The following ATXN1 variants were observed in gnomAD, a reference collection of about 807,000 sequenced individuals.
The protein encoded by ATXN1 is ataxin 1, also known as ataxin-1.
In ATXN1, 8 loss-of-function variants were observed where a neutral mutation model predicts 56.4. That is an observed-to-expected ratio of 0.14 (90% CI 0.08 to 0.26). The LOEUF (loss-of-function observed/expected upper bound fraction) is 0.26. ATXN1 is among the 10% of genes least tolerant of loss of function. ATXN1 has a pLI of 1.00. For synonymous variants in ATXN1, 514 were observed against 494.6 expected, an observed-to-expected ratio of 1.04 and a Z score of -0.52; for missense variants, 987 against 1,106.5, an observed-to-expected ratio of 0.89 and a Z score of 1.53.
intron 2 of ATXN1, among the ~76,000 whole-genome samples, chr6:16,730,662 G>A (rs911336957): frequency 1.3e-5 from 2 of 152,144 alleles, no homozygotes; most frequent in East Asian, 3.9e-4. Flanking sequence ...CACCCTGCCT[G>A]AAGATTGTAT....
chr6:16,372,137 C>G (rs1427319102), intron 6 of ATXN1, among the ~76,000 whole-genome samples: 3 of 152,110 alleles, frequency 2.0e-5, no homozygotes, highest in Admixed American at 1.3e-4. Flanking sequence ...TTTTATAAAA[C>G]AGGAAGGAAT....
At chr6:16,361,121 C>A (rs1335082834) in intron 6 of ATXN1, among the ~76,000 whole-genome samples, 1 of 152,142 alleles carries the variant, frequency 6.6e-6, no homozygotes, top group African/African-American at 2.4e-5. Flanking sequence ...ATAAGTAGTG[C>A]AATACCCAAA....
At chr6:16,504,441 G>A (rs1039045094) in intron 5 of ATXN1, among the ~76,000 whole-genome samples, 7 of 152,104 alleles carry the variant, frequency 4.6e-5, no homozygotes, top group African/African-American at 1.4e-4. Flanking sequence ...GTACATAAAA[G>A]AGTGGTAGCA....
intron 2 of ATXN1, among the ~76,000 whole-genome samples, chr6:16,718,398 C>T (rs183670253): frequency 3.3e-5 from 5 of 152,356 alleles, no homozygotes; most frequent in East Asian, 3.9e-4. Context: ...CTAACTGCAA[C>T]GGAGCAAGAA....
At chr6:16,528,429 C>A (rs913378990) in intron 4 of ATXN1, among the ~76,000 whole-genome samples, 1 of 152,118 alleles carries the variant, frequency 6.6e-6, no homozygotes, top group Non-Finnish European at 1.5e-5. Flanking sequence ...TAAAACCATG[C>A]GGTTTAGATT....
chr6:16,744,034 T>G (rs639621), intron 2 of ATXN1, among the ~76,000 whole-genome samples: 84,225 of 151,918 alleles, frequency 0.55, 23,560 homozygotes, highest in African/African-American at 0.61. Flanking sequence ...TTTCAAATAC[T>G]AACAAATGTT....
chr6:16,668,723 C>T (rs1360998282), intron 2 of ATXN1, among the ~76,000 whole-genome samples: 4 of 152,134 alleles, frequency 2.6e-5, no homozygotes, highest in East Asian at 1.9e-4. Flanking sequence ...TCAAGCATTT[C>T]GTATACCTCT....
intron 6 of ATXN1, among the ~76,000 whole-genome samples, chr6:16,422,036 A>G (rs922607825): frequency 6.7e-6 from 1 of 150,344 alleles, no homozygotes; most frequent in Non-Finnish European, 1.5e-5. Flanking sequence ...CATCTTTTGA[A>G]GTATATAAGG....
chr6:16,405,132 G>A (rs973799546), intron 6 of ATXN1, among the ~76,000 whole-genome samples: 10 of 152,146 alleles, frequency 6.6e-5, no homozygotes, highest in Admixed American at 5.9e-4. Context: ...AACATTAAGT[G>A]GATTTACATC....
rs189359746 is a variant in ATXN1, at chr6:16,711,267, G to A, written c.-615+41966C>T. On this transcript the variant is annotated intron_variant, in intron 2 of 7. Transcript: ENST00000436367. ...TACACCTCATATCTTAATTTGAAAT[G>A]GCTCATATACTTAAATGTTAAGGCT... Among the ~76,000 whole-genome samples, 662 of 152,216 alleles carry A rather than the reference G, an allele frequency of 4.3e-3. 4 individuals carry two copies. The highest frequency in any genetic ancestry group is 6.4e-3 in the Non-Finnish European group (437 of 68,020).
At chr6:16,717,489 A>G (rs1379321437) in intron 2 of ATXN1, among the ~76,000 whole-genome samples, 1 of 152,252 alleles carries the variant, frequency 6.6e-6, no homozygotes, top group Admixed American at 6.5e-5. Context: ...GAGCATGTGC[A>G]CTGTGACTGC....
rs975638498 is a variant in ATXN1 at position 16,299,354 on chromosome 6, T to G, written c.*6975A>C. On this transcript the variant is annotated 3_prime_UTR_variant, in exon 8 of 8. Transcript: ENST00000436367. ...GACACACCACGATTAGAAAATAGAA[T>G]ATGAATTCTTCCATTTTTTAATATT... 1 of 152,556 alleles carries G rather than the reference T, an allele frequency of 6.6e-6. No homozygotes were observed. Among genetic ancestry groups the G allele is most frequent in the Non-Finnish European group, 1.5e-5 (1 of 68,020 alleles). 9.5% of individuals were successfully genotyped at this position (152,556 alleles called of 1,614,324 possible).
intron 2 of ATXN1, among the ~76,000 whole-genome samples, chr6:16,700,989 A>C (rs1178426986): frequency 2.0e-5 from 3 of 152,048 alleles, no homozygotes; most frequent in Admixed American, 1.3e-4. Context: ...TGGAAAAAAA[A>C]AAAACAAAAA....
chr6:16,497,639 A>G (rs1055520870), intron 5 of ATXN1, among the ~76,000 whole-genome samples: 8 of 152,202 alleles, frequency 5.3e-5, no homozygotes, highest in Non-Finnish European at 1.2e-4. Flanking sequence ...AAGACTTAAC[A>G]TTCCTTGGTG....
intron 4 of ATXN1, among the ~76,000 whole-genome samples, chr6:16,526,197 G>C (rs540167430): frequency 3.4e-4 from 51 of 151,696 alleles, no homozygotes; most frequent in African/African-American, 1.2e-3. Flanking sequence ...TAACATTTGA[G>C]GACTGAAAGA....
intron 2 of ATXN1, among the ~76,000 whole-genome samples, chr6:16,689,221 A>C (rs1182463926): frequency 1.3e-5 from 2 of 152,196 alleles, no homozygotes; most frequent in South Asian, 2.1e-4. Context: ...TCATGAGGAA[A>C]GCAAGTCTGG....
intron 6 of ATXN1, chr6:16,433,142 T>C (rs1234786133): frequency 2.0e-5 from 3 of 152,198 alleles, no homozygotes; most frequent in Non-Finnish European, 4.4e-5. Flanking sequence ...CTTTTAAAAA[T>C]CTATAAATAT....
chr6:16,368,616 T>G (rs183039435), intron 6 of ATXN1, among the ~76,000 whole-genome samples: 1 of 152,326 alleles, frequency 6.6e-6, no homozygotes, highest in African/African-American at 2.4e-5. Flanking sequence ...ATTTCACATG[T>G]CTGTGAATTT....
intron 3 of ATXN1, among the ~76,000 whole-genome samples, chr6:16,655,856 G>A (rs539490176): frequency 6.6e-6 from 1 of 152,132 alleles, no homozygotes; most frequent in Admixed American, 6.5e-5. Flanking sequence ...TTGGGAGGCT[G>A]AGGCAGGCGG....
Sources: gnomAD v4.1 joint callset for allele counts (sites outside exome capture counted in the v4.1 genomes callset) on GRCh38, gnomAD v4.1.1 for gene constraint, MANE v1.5 for transcripts, NCBI Gene and HGNC (gene_info 2026-07-23, HGNC 2026-07-21) for gene names.